ATAD2: variants seen among roughly 807,000 people sequenced by gnomAD.
ATAD2 encodes the protein ATPase family AAA domain containing 2.
In ATAD2, 62 loss-of-function variants were observed where a neutral mutation model predicts 168.9. The ratio of observed to expected loss-of-function variants is 0.37; its 90% CI spans 0.30 to 0.45. The LOEUF is 0.45. ATAD2 is among the 20% of genes least tolerant of loss of function. ATAD2 has a pLI of 1.00. For synonymous variants in ATAD2, 613 were observed against 571.6 expected (o/e 1.07, Z -1.03); for missense variants, 1,419 against 1,667.8 (o/e 0.85, Z 2.60).
chr8:123,412,502 A>G (rs1813174106), intron 1 of ATAD2, among the ~76,000 whole-genome samples: 1 of 152,136 alleles, frequency 6.6e-6, no homozygotes, highest in Admixed American at 6.6e-5. Flanking sequence ...GCGTAATCAC[A>G]GTTCACTGCA....
intron 15 of ATAD2, among the ~76,000 whole-genome samples, chr8:123,347,708 C>T (rs1271805196): frequency 6.6e-6 from 1 of 152,114 alleles, no homozygotes; most frequent in African/African-American, 2.4e-5. Flanking sequence ...TTGTAATTTA[C>T]TAGCTGTATG....
At chr8:123,375,975 G>A (rs1343925540) in intron 2 of ATAD2, among the ~76,000 whole-genome samples, 4 of 151,874 alleles carry the variant, frequency 2.6e-5, no homozygotes, top group South Asian at 2.1e-4. Flanking sequence ...GCGTGGTGGC[G>A]GGCACCTGTA....
At chr8:123,393,696 C>T (rs1265909456) in intron 1 of ATAD2, among the ~76,000 whole-genome samples, 1 of 152,102 alleles carries the variant, frequency 6.6e-6, no homozygotes, top group African/African-American at 2.4e-5. Context: ...GTGGGCCGAT[C>T]ACCTGAGACC....
At position 123,344,898 on chromosome 8, in the gene ATAD2, C is replaced by T. The variant is rs371114860; in HGVS notation, c.2704G>A (p.Ala902Thr). ...ACATAAATTACCTCTTCTGGCAAAG[C>T]GGAATGGGGTTTGTCAGAAGTTGCA... ...LLATSDKPHS[A>T]LPEEVQELFI... The change falls in exon 19 of 28, where the codon GCT (alanine) becomes ACT (threonine). Residue 902 changes from alanine (A) to threonine (T), a missense_variant. By Grantham distance (58) the Ala-to-Thr change is moderately conservative (BLOSUM62 0). Transcript: ENST00000287394. 4.3e-5 allele frequency: 69 copies of T among 1,613,774 alleles called. No homozygotes were observed. Among genetic ancestry groups the T allele is most frequent in the Non-Finnish European group, 5.1e-5 (60 of 1,179,900 alleles).
Position 123,372,508 on chromosome 8 carries a change from T to C in ATAD2, c.370+129A>G, listed in dbSNP as rs142673344. ...ATTGTGGTGATGGCTTCATGGCATA[T>C]ACTTACGTTAAAACCTAACAAATTA... On this transcript the variant is annotated intron_variant, in intron 3 of 27. Transcript: ENST00000287394. The C allele has an allele frequency of 1.1e-4, 78 of 695,178 alleles. 1 individual carries two copies. In the East Asian group the frequency reaches 2.2e-3, roughly 20 times the overall value. 43.1% of individuals were successfully genotyped at this position (695,178 alleles called of 1,614,324 possible).
At position 123,369,945 on chromosome 8, in the gene ATAD2, GTCATCATCA is replaced by G. The variant is rs539981908; in HGVS notation, c.798_806del (p.Asp275_Asp277del). ...CATCATCATCATCATCATCATCATC[GTCATCATCA>G]TCATCATCTTCATCATCTTCATCTT... is the stretch of plus-strand genomic sequence containing the variant. On this transcript the variant is annotated inframe_deletion, in exon 7 of 28. Transcript: ENST00000287394. The G allele has an allele frequency of 4.0e-6, 6 of 1,497,648 alleles. No homozygotes were observed. The highest frequency in any genetic ancestry group is 1.1e-5 in the South Asian group (1 of 88,078). 92.8% of individuals were successfully genotyped at this position (1,497,648 alleles called of 1,614,324 possible). A position where few individuals can be genotyped will look rare whatever the true frequency, so the allele number is the denominator to read the frequency against.
chr8:123,346,718 C>G lies in ATAD2; in HGVS notation c.2245G>C (p.Ala749Pro), dbSNP rs1159384526. The G allele has an allele frequency of 1.9e-6, 3 of 1,594,924 alleles. No homozygotes were observed. Among genetic ancestry groups the G allele is most frequent in the Admixed American group, 3.6e-5 (2 of 55,454 alleles). Residue 749 changes from alanine to proline, a missense_variant, in exon 17 of 28, where the codon GCT (alanine) becomes CCT (proline). Physicochemically the swap from Ala to Pro is conservative, Grantham distance 27. Coordinates refer to ENST00000287394, the MANE Select transcript of ATAD2 (RefSeq NM_014109.4). ...ISCPLLESDL[A>P]YSDDDVPSVY... is the part of the protein sequence containing the mutation. ...GATGGAACATCATCATCACTGTAAG[C>G]CAAGTCACTTTCTAGCAGAGGACAA...
chr8:123,404,850 C>G (rs1426287801), intron 1 of ATAD2, among the ~76,000 whole-genome samples: 1 of 152,176 alleles, frequency 6.6e-6, no homozygotes, highest in African/African-American at 2.4e-5. Flanking sequence ...CCCCCTTTCT[C>G]TCATAAGGAC....
intron 24 of ATAD2, among the ~76,000 whole-genome samples, chr8:123,332,186 AG>A (rs1827793419): frequency 6.6e-6 from 1 of 152,198 alleles, no homozygotes; most frequent in African/African-American, 2.4e-5. Flanking sequence ...TCAATCTGCA[AG>A]TTTTTTCAAA....
chr8:123,380,422 C>A (rs1403522252), intron 2 of ATAD2, 107 bp downstream of exon 2: 6 of 1,151,292 alleles, frequency 5.2e-6, no homozygotes, highest in East Asian at 2.4e-5. Context: ...CATTTTATAG[C>A]CCTAGAACCT....
chr8:123,413,621 C>T (rs1813196292), intron 1 of ATAD2, among the ~76,000 whole-genome samples: 1 of 152,138 alleles, frequency 6.6e-6, no homozygotes, highest in Non-Finnish European at 1.5e-5. Flanking sequence ...TTATACTATT[C>T]TACCTCTCAG....
chr8:123,390,403 T>G (rs984041800), intron 1 of ATAD2, among the ~76,000 whole-genome samples: 31 of 152,308 alleles, frequency 2.0e-4, no homozygotes, highest in African/African-American at 7.2e-4. Context: ...CATAAAGCTG[T>G]AACCTCTAAA....
chr8:123,379,642 A>C (rs565009313), intron 2 of ATAD2, among the ~76,000 whole-genome samples: 1 of 151,434 alleles, frequency 6.6e-6, no homozygotes, highest in South Asian at 2.1e-4. Flanking sequence ...GCCTCACTGC[A>C]ATCTCTGCCT....
In ATAD2 at chr8:123,402,189, G is replaced by A; in HGVS notation, c.-2281-1014C>T. 2 of 652,744 alleles carry A rather than the reference G, an allele frequency of 3.1e-6. No homozygotes were observed. Among genetic ancestry groups the A allele is most frequent in the South Asian group, 1.7e-5 (1 of 59,984 alleles). 40.4% of individuals were successfully genotyped at this position (652,744 alleles called of 1,614,324 possible). On this transcript the variant is annotated intron_variant, in intron 1 of 28. Coordinates refer to the ATAD2 transcript ENST00000521903. This position sits in a 1 kb window ranked among gnomAD's most constrained non-coding sequence, Gnocchi z 4.8. ...CATAGCCTCCCTCCATCACTGAGTG[G>A]TCCACAGATTTGCACTACGGGTTCC...
At chr8:123,336,012 T>A (rs1827903358) in intron 22 of ATAD2, among the ~76,000 whole-genome samples, 1 of 152,208 alleles carries the variant, frequency 6.6e-6, no homozygotes, top group Non-Finnish European at 1.5e-5. Context: ...TAGAATATTT[T>A]AAAAACTATT....
chr8:123,383,660 C>A (rs1250825779), intron 1 of ATAD2, among the ~76,000 whole-genome samples: 1 of 151,948 alleles, frequency 6.6e-6, no homozygotes, highest in Admixed American at 6.6e-5. Context: ...GTAATCCCAG[C>A]AACTTGGGAG....
Position 123,346,226 on chromosome 8 carries a change from C to T in ATAD2, c.2392G>A (p.Val798Ile). Residue 798 changes from valine to isoleucine, a missense_variant, in exon 18 of 28, where the codon GTA (valine) becomes ATA (isoleucine). Physicochemically the swap from Val to Ile is conservative, Grantham distance 29. Transcript: ENST00000287394. ...CCTTGCCCAAATCCTGGTTCTCCTA[C>T]TATCAATATTCTTGGTCGAAAAGAC... ...PMSFRPRILIVGEPGFGQGSH... is the reference protein window; with the variant it reads ...PMSFRPRILIIGEPGFGQGSH... 1 of 1,609,832 alleles carries T rather than the reference C, an allele frequency of 6.2e-7. No individual in the cohort carries two copies. The highest frequency in any genetic ancestry group is 8.5e-7 in the Non-Finnish European group (1 of 1,178,848).
rs560085865 is a variant in ATAD2, at chr8:123,337,223, C to T, written c.3051+402G>A. Among the ~76,000 whole-genome samples, 254 of 151,910 alleles carry T rather than the reference C, an allele frequency of 1.7e-3. 2 individuals are homozygous for T. The highest frequency in any genetic ancestry group is 3.1e-3 in the Non-Finnish European group (214 of 67,952). On this transcript the variant is annotated intron_variant, in intron 21 of 27. Coordinates refer to ENST00000287394, the MANE Select transcript of ATAD2 (RefSeq NM_014109.4). ...ACTAAAAATACAAAAATTAGCTGGA[C>T]GTGGTGGCACACGCCTGTAGTCCCA... is the stretch of plus-strand genomic sequence containing the variant.
At position 123,359,578 on chromosome 8, in the gene ATAD2, G is replaced by T; in HGVS notation, c.1265C>A (p.Ser422Ter). ...ADVDPMQLDS[S>*]VRFDSVGGLS... ...TATGTTTCAAAACAGAGTACTCACT[G>T]AAGAATCTAGTTGCATTGGATCAAC... is the stretch of plus-strand genomic sequence containing the variant. The change falls in exon 10 of 28, where the codon TCA becomes TAA. Residue 422 changes from serine (S) to a stop codon, truncating the protein, a stop_gained and splice_region_variant. Transcript: ENST00000287394. LOFTEE classifies it high-confidence loss of function. 6.2e-7 allele frequency: 1 copy of T among 1,605,440 alleles called. No individual in the cohort carries two copies. Among genetic ancestry groups the T allele is most frequent in the Non-Finnish European group, 8.5e-7 (1 of 1,173,252 alleles).
Sources: allele counts gnomAD v4.1 joint callset (sites outside exome capture counted in the v4.1 genomes callset), GRCh38; gene constraint gnomAD v4.1.1; non-coding constraint Gnocchi (gnomAD v3.1); transcripts MANE v1.5; gene names NCBI Gene and HGNC (gene_info 2026-07-23, HGNC 2026-07-21).